The following MSI2 variants were observed in gnomAD, a reference collection of about 807,000 sequenced individuals.
MSI2 encodes musashi RNA binding protein 2.
Under a neutral mutation model 45.6 loss-of-function variants are expected in MSI2, and 17 were observed. The observed-to-expected ratio is 0.37, with a 90% CI of 0.26 to 0.56. The LOEUF (loss-of-function observed/expected upper bound fraction) is 0.56, where lower values mean the gene tolerates loss of function less well. Ranked by LOEUF, MSI2 falls within the 20% of genes least tolerant of loss-of-function variation. The pLI, the probability that MSI2 is intolerant of heterozygous loss-of-function variation, is 0.77. For synonymous variants in MSI2, 156 were observed against 158.2 expected, an observed-to-expected ratio of 0.99 and a Z score of 0.11; for missense variants, 293 against 444.2, an observed-to-expected ratio of 0.66 and a Z score of 3.06.
At chr17:57,379,481 C>CTTTTTTTTTTTTTTT (rs78899938) in intron 5 of MSI2, among the ~76,000 whole-genome samples, 1 of 134,796 alleles carries the variant, frequency 7.4e-6, no homozygotes, top group Non-Finnish European at 1.6e-5. Flanking sequence ...TTTCTTTCTT[C>CTTTTTTTTTTTTTTT]TTTTTTTTTT....
At chr17:57,447,014 G>C (rs2084912669) in intron 6 of MSI2, among the ~76,000 whole-genome samples, 1 of 152,214 alleles carries the variant, frequency 6.6e-6, no homozygotes, top group African/African-American at 2.4e-5. Flanking sequence ...CAAAGAGATT[G>C]ACCGTCACCC....
Position 57,366,256 on chromosome 17 carries a change from G to A in MSI2, c.313-35123G>A, listed in dbSNP as rs550159214. 1.0e-3 allele frequency among the ~76,000 whole-genome samples: 158 copies of A among 152,296 alleles called. 1 individual carries two copies. The highest frequency in any genetic ancestry group is 3.8e-3 in the African/African-American group (157 of 41,572). On this transcript the variant is annotated intron_variant, in intron 5 of 13. Coordinates refer to ENST00000284073, the MANE Select transcript of MSI2 (RefSeq NM_138962.4). The stretch of plus-strand genomic sequence containing the variant: ...ACTTTTCAGTTGGGGAAGTTGAGGT[G>A]GACTGAAGGTAAATCTGCTGGCCCC...
rs553220361 is a variant in MSI2, at chr17:57,632,137, T to G, written c.727+4834T>G. The G allele has an allele frequency of 8.4e-5, 102 of 1,216,110 alleles. No homozygotes were observed. In the African/African-American group the frequency reaches 1.4e-3, roughly 17 times the overall value. The allele number at this position is 1,216,110 out of a possible 1,614,324, so 75.3% of individuals were successfully genotyped here. On this transcript the variant is annotated intron_variant, in intron 10 of 13. Transcript: ENST00000284073. ...AACTTCTCACAAACTTCGTAGAGCCTCCTCAGGGGAAGCTAGGAAGAAGAC... is the reference window on the plus strand; with the variant it reads ...AACTTCTCACAAACTTCGTAGAGCCGCCTCAGGGGAAGCTAGGAAGAAGAC...
chr17:57,593,370 C>G (rs768541727), intron 7 of MSI2, among the ~76,000 whole-genome samples: 3 of 152,156 alleles, frequency 2.0e-5, no homozygotes, highest in Non-Finnish European at 4.4e-5. Flanking sequence ...GCTGCACTCC[C>G]CCAAGAGGTT....
chr17:57,588,731 G>A (rs1401245901), intron 7 of MSI2, among the ~76,000 whole-genome samples: 1 of 152,144 alleles, frequency 6.6e-6, no homozygotes, highest in South Asian at 2.1e-4. Context: ...TAAGAACTGA[G>A]GGCTCTTGCC....
intron 5 of MSI2, among the ~76,000 whole-genome samples, chr17:57,374,611 T>G (rs1188262325): frequency 6.6e-6 from 1 of 151,958 alleles, no homozygotes; most frequent in East Asian, 1.9e-4. Flanking sequence ...ACCCCATCTC[T>G]ACTAATGATA....
chr17:57,686,944 T>G (rs1266843415), downstream of MSI2, among the ~76,000 whole-genome samples: 1 of 151,952 alleles, frequency 6.6e-6, no homozygotes, highest in African/African-American at 2.4e-5. Flanking sequence ...TCGAATAGAG[T>G]TTGCACATTT....
At position 57,351,723 on chromosome 17, in the gene MSI2, G is replaced by A. The variant is rs375284646; in HGVS notation, c.313-49656G>A. Among the ~76,000 whole-genome samples the A allele has an allele frequency of 2.8e-4, 42 of 152,314 alleles. 4 individuals carry two copies. Among genetic ancestry groups the A allele is most frequent in the East Asian group, 2.7e-3 (14 of 5,182 alleles). Reference sequence around the variant, plus strand: ...ATATAAAAATTAGCTGGGTGTGGTGGCGCATGCCTGTAATCCCAGCTAGTT... The same window carrying A: ...ATATAAAAATTAGCTGGGTGTGGTGACGCATGCCTGTAATCCCAGCTAGTT... On this transcript the variant is annotated intron_variant, in intron 5 of 13. Transcript: ENST00000284073.
At chr17:57,316,422 G>T (rs1912855803) in intron 5 of MSI2, among the ~76,000 whole-genome samples, 1 of 151,778 alleles carries the variant, frequency 6.6e-6, no homozygotes, top group Non-Finnish European at 1.5e-5. Context: ...TGACCTCCCG[G>T]GTTCAAGCAA....
At chr17:57,318,434 C>T (rs1022120423) in intron 5 of MSI2, among the ~76,000 whole-genome samples, 1 of 152,160 alleles carries the variant, frequency 6.6e-6, no homozygotes, top group Admixed American at 6.5e-5. Flanking sequence ...TGAGGCTACC[C>T]CTGGGCTCTG....
chr17:57,298,563 A>C (rs1439841219), intron 5 of MSI2, among the ~76,000 whole-genome samples: 1 of 152,126 alleles, frequency 6.6e-6, no homozygotes, highest in Non-Finnish European at 1.5e-5. Context: ...CGGGAGGCTG[A>C]GGCAGGAGAA....
downstream of MSI2, among the ~76,000 whole-genome samples, chr17:57,684,896 A>G (rs1913826827): frequency 6.6e-6 from 1 of 152,230 alleles, no homozygotes; most frequent in Non-Finnish European, 1.5e-5. Flanking sequence ...GCAAGAGAGC[A>G]CTAAGATGGA....
At chr17:57,570,015 G>A (rs1342284099) in intron 7 of MSI2, among the ~76,000 whole-genome samples, 1 of 152,166 alleles carries the variant, frequency 6.6e-6, no homozygotes, top group African/African-American at 2.4e-5. Flanking sequence ...ACACACTCAG[G>A]AGAACACTTA....
intron 5 of MSI2, among the ~76,000 whole-genome samples, chr17:57,367,356 G>A (rs1728967197): frequency 6.6e-6 from 1 of 152,200 alleles, no homozygotes; most frequent in African/African-American, 2.4e-5. Flanking sequence ...GTAGATGGGG[G>A]AGGTCTGGAG....
At chr17:57,673,445 C>G (rs1912972649) in intron 11 of MSI2, among the ~76,000 whole-genome samples, 2 of 152,164 alleles carry the variant, frequency 1.3e-5, no homozygotes, top group Non-Finnish European at 2.9e-5. Context: ...AAGGAGCAGC[C>G]CTCTGGAGCC....
chr17:57,575,674 G>T (rs570310813), intron 7 of MSI2, among the ~76,000 whole-genome samples: 1 of 152,082 alleles, frequency 6.6e-6, no homozygotes, highest in East Asian at 1.9e-4. Flanking sequence ...AGCCGGGCGC[G>T]GTGGCTCAGG....
intron 5 of MSI2, among the ~76,000 whole-genome samples, chr17:57,285,418 C>G (rs541225404): frequency 1.3e-5 from 2 of 152,338 alleles, no homozygotes; most frequent in East Asian, 3.9e-4. Flanking sequence ...GGGCTGGCTG[C>G]TGCTGAGGAG....
chr17:57,641,375 G>A (rs1910248541), intron 10 of MSI2, among the ~76,000 whole-genome samples: 1 of 152,152 alleles, frequency 6.6e-6, no homozygotes, highest in South Asian at 2.1e-4. Context: ...TCCTGCTGTG[G>A]CGGATTCATT....
chr17:57,497,192 G>A (rs1478373570), intron 6 of MSI2, among the ~76,000 whole-genome samples: 2 of 152,232 alleles, frequency 1.3e-5, no homozygotes, highest in African/African-American at 2.4e-5. Flanking sequence ...GGCCAGGCTA[G>A]TCTCGAACCC....
Sources: gnomAD v4.1 joint callset for allele counts (sites outside exome capture counted in the v4.1 genomes callset) on GRCh38, gnomAD v4.1.1 for gene constraint, MANE v1.5 for transcripts, NCBI Gene and HGNC (gene_info 2026-07-23, HGNC 2026-07-21) for gene names.